RGS6: variants seen among roughly 807,000 people sequenced by gnomAD.
RGS6 encodes regulator of G-protein signaling 6.
RGS6 carries 30 observed loss-of-function variants against 78.5 expected under a neutral mutation model. The observed-to-expected ratio is 0.38, with a 90% confidence interval of 0.29 to 0.52. The LOEUF (loss-of-function observed/expected upper bound fraction) is 0.52. Ranked by LOEUF, RGS6 falls within the 20% of genes least tolerant of loss-of-function variation. The pLI is 0.85. For missense variants in RGS6, 495 were observed against 609.7 expected (o/e 0.81, Z 1.98); for synonymous variants, 206 against 206.0 (o/e 1.00, Z 0.00).
chr14:72,328,360 G>C (rs967106636), intron 2 of RGS6, among the ~76,000 whole-genome samples: 5 of 152,162 alleles, frequency 3.3e-5, no homozygotes, highest in African/African-American at 1.2e-4. Context: ...AATGCATAAA[G>C]TCCATCTAGA....
At chr14:72,211,627 T>G (rs943269009) in intron 2 of RGS6, among the ~76,000 whole-genome samples, 4 of 152,124 alleles carry the variant, frequency 2.6e-5, no homozygotes, top group Non-Finnish European at 5.9e-5. Context: ...AGAGAAAATA[T>G]AATAGAATAG....
chr14:72,171,354 A>G (rs2097015340), intron 2 of RGS6, among the ~76,000 whole-genome samples: 1 of 152,170 alleles, frequency 6.6e-6, no homozygotes, highest in Non-Finnish European at 1.5e-5. Flanking sequence ...CAAAAATTCA[A>G]GTGGAAGAAC....
At chr14:71,972,482 G>A (rs770435163) in intron 2 of RGS6, among the ~76,000 whole-genome samples, 7 of 152,106 alleles carry the variant, frequency 4.6e-5, no homozygotes, top group Non-Finnish European at 1.0e-4. Flanking sequence ...TATCCCACAA[G>A]CAAAGGGAAG....
At chr14:71,881,310 CTT>C in the RGS6 span, among the ~76,000 whole-genome samples, 4 of 152,112 alleles carry the variant, frequency 2.6e-5, no homozygotes, top group African/African-American at 7.2e-5. Flanking sequence ...TGAATTAAGA[CTT>C]TGGGGGACTG....
chr14:72,277,790 T>G (rs533211156), intron 2 of RGS6, among the ~76,000 whole-genome samples: 2 of 151,888 alleles, frequency 1.3e-5, no homozygotes, highest in South Asian at 4.2e-4. Flanking sequence ...TAGCTAGACT[T>G]GGTGGTATGC....
intron 3 of RGS6, among the ~76,000 whole-genome samples, chr14:72,433,351 G>A (rs2153173631): frequency 6.6e-6 from 1 of 152,026 alleles, no homozygotes; most frequent in Non-Finnish European, 1.5e-5. Flanking sequence ...GGGGTATGGG[G>A]AGGGAGAGCA....
At chr14:72,245,080 GATATCAGCGT>G (rs1232921945) in intron 2 of RGS6, among the ~76,000 whole-genome samples, 1 of 152,186 alleles carries the variant, frequency 6.6e-6, no homozygotes, top group African/African-American at 2.4e-5. Flanking sequence ...AATTCTAAAC[GATATCAGCGT>G]TGGGGAGGAA....
At chr14:72,271,645 G>T (rs985841911) in intron 2 of RGS6, among the ~76,000 whole-genome samples, 1 of 152,216 alleles carries the variant, frequency 6.6e-6, no homozygotes, top group Non-Finnish European at 1.5e-5. Context: ...TTCCAACTCT[G>T]TATTAGTTTT....
At chr14:72,385,079 C>T (rs146329112) in intron 3 of RGS6, among the ~76,000 whole-genome samples, 2 of 152,226 alleles carry the variant, frequency 1.3e-5, no homozygotes, top group African/African-American at 4.8e-5. Flanking sequence ...GTGTCTTTAG[C>T]ACCTGCCCGT....
chr14:72,027,508 G>A (rs1025968292), intron 2 of RGS6, among the ~76,000 whole-genome samples: 4 of 151,640 alleles, frequency 2.6e-5, no homozygotes, highest in African/African-American at 9.7e-5. Flanking sequence ...CTCTTCCACT[G>A]GGAGTCCCAT....
intron 2 of RGS6, among the ~76,000 whole-genome samples, chr14:72,130,094 G>A (rs962771083): frequency 1.2e-4 from 19 of 152,132 alleles, no homozygotes; most frequent in African/African-American, 4.6e-4. Flanking sequence ...CCCAGGTTTG[G>A]CAATTCACTA....
chr14:72,426,764 G>C (rs563813921), intron 3 of RGS6, among the ~76,000 whole-genome samples: 8 of 152,358 alleles, frequency 5.3e-5, no homozygotes, highest in Non-Finnish European at 1.2e-4. Flanking sequence ...GGGTTAGCAA[G>C]ATTTTGAGGG....
At chr14:71,983,668 C>G (rs1566959216) in intron 2 of RGS6, among the ~76,000 whole-genome samples, 1 of 152,178 alleles carries the variant, frequency 6.6e-6, no homozygotes, top group Non-Finnish European at 1.5e-5. Context: ...ATGTGCCTAC[C>G]TCTGTGTTTC....
rs553869390 is a variant in RGS6, at chr14:72,342,800, T to G, written c.85-9295T>G. Among the ~76,000 whole-genome samples the G allele has an allele frequency of 7.4e-4, 104 of 140,346 alleles. 2 individuals are homozygous for G. The highest frequency in any genetic ancestry group is 2.6e-3 in the African/African-American group (98 of 37,880). 92.1% of individuals were successfully genotyped at this position (140,346 alleles called of 152,430 possible). ...ACCCATCTAATTGGTCCCAGAGAGATCAAAAAAAATGCAGCATTGAAAATG... is the reference window on the plus strand; with the variant it reads ...ACCCATCTAATTGGTCCCAGAGAGAGCAAAAAAAATGCAGCATTGAAAATG... On this transcript the variant is annotated intron_variant, in intron 2 of 17. Coordinates refer to ENST00000553525, the MANE Select transcript of RGS6 (RefSeq NM_001204424.2).
intron 2 of RGS6, among the ~76,000 whole-genome samples, chr14:72,339,338 A>G: frequency 6.6e-6 from 1 of 152,238 alleles, no homozygotes; most frequent in Non-Finnish European, 1.5e-5. Flanking sequence ...CAAATCTGTC[A>G]GTGACTTGAT....
chr14:72,100,027 A>C (rs1368527401), intron 2 of RGS6, among the ~76,000 whole-genome samples: 1 of 152,150 alleles, frequency 6.6e-6, no homozygotes, highest in Non-Finnish European at 1.5e-5. Context: ...CCAGCACAGT[A>C]GTAAGAGTCA....
At chr14:71,959,676 G>T (rs1490201667) in intron 1 of RGS6, among the ~76,000 whole-genome samples, 1 of 147,834 alleles carries the variant, frequency 6.8e-6, no homozygotes, top group Non-Finnish European at 1.5e-5. Context: ...TCTGATGCAC[G>T]AGTCAGAACA....
At chr14:71,882,380 C>A in the RGS6 span, among the ~76,000 whole-genome samples, 1 of 152,132 alleles carries the variant, frequency 6.6e-6, no homozygotes, top group Non-Finnish European at 1.5e-5. Flanking sequence ...AGGTTGCTTC[C>A]CCCTTTTGGC....
At chr14:72,623,483 T>G in the RGS6 span, among the ~76,000 whole-genome samples, 1 of 152,220 alleles carries the variant, frequency 6.6e-6, no homozygotes, top group Admixed American at 6.5e-5. Context: ...GATCTGCATA[T>G]ATATGTGTGT....
Sources: gnomAD v4.1 joint callset for allele counts (sites outside exome capture counted in the v4.1 genomes callset) on GRCh38, gnomAD v4.1.1 for gene constraint, MANE v1.5 for transcripts, NCBI Gene and HGNC (gene_info 2026-07-23, HGNC 2026-07-21) for gene names.